TP73: variants seen among roughly 807,000 people sequenced by gnomAD.
The protein encoded by TP73 is p53-like transcription factor.
TP73 carries 25 observed loss-of-function variants against 62.5 expected under a neutral mutation model. The ratio of observed to expected loss-of-function variants is 0.40; its 90% confidence interval spans 0.29 to 0.56. The LOEUF is 0.56. TP73 is among the 20% of genes least tolerant of loss of function. TP73 has a pLI of 0.46. For synonymous variants in TP73, 423 were observed against 377.5 expected (o/e 1.12, Z -1.40); for missense variants, 754 against 913.3 (o/e 0.83, Z 2.25).
At chr1:3,664,504 G>C (rs902453560) in intron 1 of TP73, among the ~76,000 whole-genome samples, 2 of 152,198 alleles carry the variant, frequency 1.3e-5, no homozygotes, top group Admixed American at 1.3e-4. Context: ...CTGCTCGCCC[G>C]TACTGCACCA....
intron 3 of TP73, among the ~76,000 whole-genome samples, chr1:3,685,771 A>C (rs1444027101): frequency 1.3e-5 from 2 of 152,190 alleles, no homozygotes; most frequent in Non-Finnish European, 2.9e-5. Context: ...TTTAAAGTTC[A>C]GCCCAGGAGC....
chr1:3,732,702 C>A (rs1642226800), intron 13 of TP73, 45 bp from the exon 14 acceptor site: 21 of 1,518,900 alleles, frequency 1.4e-5, no homozygotes, highest in Non-Finnish European at 1.9e-5. Context: ...CCCCTGCTCT[C>A]CCTGCTCCAC....
intron 4 of TP73, 127 bp downstream of exon 4, chr1:3,707,918 C>T (rs529357407): frequency 9.8e-6 from 14 of 1,434,760 alleles, no homozygotes; most frequent in Admixed American, 8.9e-5. Context: ...CCACCTGGCC[C>T]GGGCCAGGAG....
At chr1:3,686,693 C>G (rs560306712) in intron 3 of TP73, among the ~76,000 whole-genome samples, 1 of 152,156 alleles carries the variant, frequency 6.6e-6, no homozygotes, top group South Asian at 2.1e-4. Context: ...AAACAGACCC[C>G]GTGGTCACTG....
chr1:3,717,233 C>T (rs958113417), intron 4 of TP73, among the ~76,000 whole-genome samples: 4 of 152,210 alleles, frequency 2.6e-5, no homozygotes, highest in South Asian at 2.1e-4. Flanking sequence ...AGCAGCCCCC[C>T]GCTGCACCCT....
At chr1:3,691,482 A>G (rs1374963252) in intron 3 of TP73, among the ~76,000 whole-genome samples, 2 of 152,022 alleles carry the variant, frequency 1.3e-5, no homozygotes. Context: ...TCTGAGCTCC[A>G]GGGCCAGGAC....
chr1:3,692,879 C>A (rs1317293795), intron 3 of TP73, among the ~76,000 whole-genome samples: 1 of 152,058 alleles, frequency 6.6e-6, no homozygotes. Context: ...GCCTGCAGAC[C>A]CTCACTGCCT....
rs1415991653 is a variant in TP73 at position 3,735,255 on chromosome 1, G to C, written c.*2176G>C. On this transcript the variant is annotated 3_prime_UTR_variant, in exon 14 of 14. Transcript: ENST00000378295. The stretch of plus-strand genomic sequence containing the variant: ...GCGGGGGCCCATCCTGACACCCGGG[G>C]TTCCTCAGCCCAGCGCAGATGTGCT... The C allele has an allele frequency of 6.6e-6, 1 of 152,290 alleles. No individual in the cohort carries two copies. The highest frequency in any genetic ancestry group is 1.5e-5 in the Non-Finnish European group (1 of 68,112). 9.4% of individuals were successfully genotyped at this position (152,290 alleles called of 1,614,324 possible).
chr1:3,698,535 C>T (rs1638870489), intron 3 of TP73, among the ~76,000 whole-genome samples: 1 of 152,156 alleles, frequency 6.6e-6, no homozygotes, highest in African/African-American at 2.4e-5. Flanking sequence ...GAGGAGGCCT[C>T]TCAGGGGAGG....
Position 3,730,950 on chromosome 1 carries a change from G to A in TP73, c.1369G>A (p.Gly457Ser), listed in dbSNP as rs1206398890. The change falls in exon 12 of 14, where the codon GGC (glycine) becomes AGC (serine). Residue 457 changes from glycine to serine, a missense_variant. Gly to Ser is a moderately conservative substitution (Grantham distance 56). Around this residue, in one of 3 missense-constraint regions of TP73, gnomAD observed 458 missense variants for 528.7 expected, o/e 0.87. Coordinates refer to ENST00000378295, the MANE Select transcript of TP73 (RefSeq NM_005427.4). ...PVGPGMLNNH[G>S]HAVPANGEMS... ...AGGCCCCGGGATGCTCAACAACCAT[G>A]GCCACGCAGTGCCAGCCAACGGCGA... is the stretch of plus-strand genomic sequence containing the variant. 1 of 1,609,940 alleles carries A rather than the reference G, an allele frequency of 6.2e-7. No homozygotes were observed. Among genetic ancestry groups the A allele is most frequent in the East Asian group, 2.2e-5 (1 of 44,720 alleles).
chr1:3,706,290 CT>C (rs1289054471), intron 3 of TP73, among the ~76,000 whole-genome samples: 8 of 152,100 alleles, frequency 5.3e-5, no homozygotes, highest in Non-Finnish European at 1.0e-4. Context: ...GTTTCCTCAT[CT>C]GTAAAATGGG....
rs115589994 is a variant in TP73, at chr1:3,669,394, A to G, written c.-33-12939A>G. ...CAGCTCTGGGGAGCCATCTGCCCCA[A>G]GTGGCACATCAGGGCTCCTCGTGTG... is the stretch of plus-strand genomic sequence containing the variant. On this transcript the variant is annotated intron_variant, in intron 1 of 13. Coordinates refer to ENST00000378295, the MANE Select transcript of TP73 (RefSeq NM_005427.4). Among the ~76,000 whole-genome samples, 1,249 of 152,316 alleles carry G rather than the reference A, an allele frequency of 8.2e-3. 20 individuals are homozygous for G. Among genetic ancestry groups the G allele is most frequent in the African/African-American group, 0.029 (1,191 of 41,564 alleles).
At chr1:3,679,693 T>C (rs1299067925) in intron 1 of TP73, among the ~76,000 whole-genome samples, 2 of 151,768 alleles carry the variant, frequency 1.3e-5, no homozygotes, top group African/African-American at 4.8e-5. Context: ...TTTGTCCCTG[T>C]CTCTCTCTGC....
intron 3 of TP73, among the ~76,000 whole-genome samples, chr1:3,707,235 C>G (rs1300472481): frequency 1.3e-5 from 2 of 152,170 alleles, no homozygotes; most frequent in Non-Finnish European, 2.9e-5. Context: ...GTGTGGGCAT[C>G]AGGGCCTGGG....
intron 1 of TP73, among the ~76,000 whole-genome samples, chr1:3,657,841 C>G (rs1462692552): frequency 6.6e-6 from 1 of 152,232 alleles, no homozygotes; most frequent in Non-Finnish European, 1.5e-5. Context: ...GACTGTTCCA[C>G]ACACTCCAGC....
At chr1:3,697,730 G>T (rs370760448) in intron 3 of TP73, among the ~76,000 whole-genome samples, 19 of 152,254 alleles carry the variant, frequency 1.2e-4, no homozygotes, top group Non-Finnish European at 2.5e-4. Context: ...ACCAAGGCCA[G>T]TGCACTGGGC....
chr1:3,678,653 G>C (rs935903499), intron 1 of TP73, among the ~76,000 whole-genome samples: 10 of 152,238 alleles, frequency 6.6e-5, no homozygotes, highest in African/African-American at 2.2e-4. Context: ...GATTCCCATG[G>C]GGGAGGCCGG....
intron 1 of TP73, among the ~76,000 whole-genome samples, chr1:3,679,364 C>G (rs973033239): frequency 1.3e-5 from 2 of 152,238 alleles, no homozygotes; most frequent in Admixed American, 6.5e-5. Flanking sequence ...ACCCCTGGAC[C>G]TCCAGTAGGG....
chr1:3,731,989 T>C (rs1292595380), intron 13 of TP73, among the ~76,000 whole-genome samples: 2 of 152,242 alleles, frequency 1.3e-5, no homozygotes, highest in African/African-American at 2.4e-5. Flanking sequence ...CACACAGCTC[T>C]TGGCACCCAT....
Sources: allele counts gnomAD v4.1 joint callset (sites outside exome capture counted in the v4.1 genomes callset), GRCh38; gene constraint gnomAD v4.1.1; regional missense constraint gnomAD v4.1.1; transcripts MANE v1.5; gene names NCBI Gene and HGNC (gene_info 2026-07-23, HGNC 2026-07-21).